The following PNPLA6 variants were observed in gnomAD, a reference collection of about 807,000 sequenced individuals.
The protein encoded by PNPLA6 is patatin like domain 6, lysophospholipase, also known as patatin-like phospholipase domain-containing protein 6.
Under a neutral mutation model 153.7 loss-of-function variants are expected in PNPLA6, and 105 were observed. That is an observed-to-expected ratio of 0.68 (90% CI 0.58 to 0.80). PNPLA6 has a LOEUF of 0.80. Among genes scored for constraint, PNPLA6 ranks in the 30% least tolerant of loss-of-function variants. The pLI, the probability that PNPLA6 is intolerant of heterozygous loss-of-function variation, is 0.00. For synonymous variants in PNPLA6, 825 were observed against 822.2 expected, an observed-to-expected ratio of 1.00 and a Z score of -0.06; for missense variants, 1,423 against 1,919.3, an observed-to-expected ratio of 0.74 and a Z score of 4.83.
At position 7,535,817 on chromosome 19, in the gene PNPLA6, C is replaced by A; in HGVS notation, c.29C>A (p.Thr10Lys). ...GGGACATCGAGTCACGGGCTGGCTA[C>A]GAACTCCTCGGGGGCGAAGGTGGCG... MGTSSHGLA[T>K]NSSGAKVAER... The change falls in exon 1 of 32, where the codon ACG becomes AAG. Residue 10 changes from threonine (T) to lysine (K), a missense_variant. Physicochemically the swap from Thr to Lys is moderately conservative, Grantham distance 78. Transcript: ENST00000600737. This position sits in a 1 kb window ranked among gnomAD's most constrained non-coding sequence, Gnocchi z 5.0. 1.3e-6 allele frequency: 2 copies of A among 1,536,834 alleles called. No individual in the cohort carries two copies. Among genetic ancestry groups the A allele is most frequent in the Non-Finnish European group, 1.7e-6 (2 of 1,146,694 alleles).
In PNPLA6 at chr19:7,541,568, G is replaced by A. The variant is rs763199334; in HGVS notation, c.1052G>A (p.Arg351His). 2.5e-6 allele frequency: 4 copies of A among 1,599,510 alleles called. No homozygotes were observed. Among genetic ancestry groups the A allele is most frequent in the African/African-American group, 1.3e-5 (1 of 74,420 alleles). ...TTCCCCAGCCCCGGCCTCCCAACTC[G>A]CACCAGCCCTGTGCGGGGCTCCAAG... ...RLFPSPGLPT[R>H]TSPVRGSKRM... Residue 351 changes from arginine (R) to histidine (H), a missense_variant, in exon 9 of 32, where the codon CGC (arginine) becomes CAC (histidine). Coordinates refer to ENST00000600737, the MANE Select transcript of PNPLA6 (RefSeq NM_001166114.2). The surrounding 1 kb of genome is among the most constrained non-coding windows in gnomAD (Gnocchi z 5.2).
At chr19:7,542,359 C>T in intron 10 of PNPLA6, 2 of 624,620 alleles carry the variant, frequency 3.2e-6, no homozygotes, top group Non-Finnish European at 5.7e-6. Context: ...TTTTTCTTTT[C>T]TTTTGAGACC....
rs780141447 is a variant in PNPLA6 at position 7,540,605 on chromosome 19, G to A, written c.715-25G>A. The A allele has an allele frequency of 1.3e-6, 2 of 1,585,546 alleles. No individual in the cohort carries two copies. Among genetic ancestry groups the A allele is most frequent in the East Asian group, 2.2e-5 (1 of 44,730 alleles). Reference sequence around the variant, plus strand: ...CCAGTCACCAGGGCGAGGCCACTGAGGGTCCACGGTCTCCTGTGTCTCAGG... The same window carrying A: ...CCAGTCACCAGGGCGAGGCCACTGAAGGTCCACGGTCTCCTGTGTCTCAGG... On this transcript the variant is annotated intron_variant, in intron 5 of 31. Transcript: ENST00000600737. The surrounding 1 kb of genome is among the most constrained non-coding windows in gnomAD (Gnocchi z 6.8).
chr19:7,543,194 A>C, intron 13 of PNPLA6, 110 bp downstream of exon 13: 1 of 951,606 alleles, frequency 1.1e-6, no homozygotes, highest in Non-Finnish European at 1.7e-6. Context: ...TCTCCCATAG[A>C]AGCAGACCTC....
intron 31 of PNPLA6, 82 bp downstream of exon 31, chr19:7,561,399 T>C: frequency 7.0e-7 from 1 of 1,427,486 alleles, no homozygotes; most frequent in Non-Finnish European, 9.7e-7. Flanking sequence ...CGGGGGCGTA[T>C]TTGAGATCCT....
intron 13 of PNPLA6, among the ~76,000 whole-genome samples, chr19:7,548,740 C>T (rs28756481): frequency 5.2e-5 from 7 of 135,174 alleles, no homozygotes; most frequent in African/African-American, 1.1e-4. Flanking sequence ...TATATACACA[C>T]ATATATATAT....
In PNPLA6 at chr19:7,559,055, G is replaced by A. The variant is rs112133109; in HGVS notation, c.3603G>A (p.Gln1201=). The A allele has an allele frequency of 0.012, 20,116 of 1,614,218 alleles. 153 individuals are homozygous for A. Among genetic ancestry groups the A allele is most frequent in the Middle Eastern group, 0.026 (160 of 6,062 alleles). ...TGGCCTACGTGTCCTGTGTGCGGCA[G>A]CTAGAGGTTGTCAAGTCCAGCTCCT... ...SRLAYVSCVR[Q]LEVVKSSSYC... is the part of the protein sequence containing the mutation. The change falls in exon 28 of 32, where the codon CAG becomes CAA. Residue 1201 remains glutamine (Q), a synonymous_variant. Coordinates refer to ENST00000600737, the MANE Select transcript of PNPLA6 (RefSeq NM_001166114.2).
rs573887 is a variant in PNPLA6, at chr19:7,549,732, C to G, written c.1609-175C>G. The G allele has an allele frequency of 0.45, 300,420 of 669,124 alleles. 72,353 individuals are homozygous for G. The highest frequency in any genetic ancestry group is 0.55 in the Admixed American group (24,933 of 45,502). The allele number at this position is 669,124 out of a possible 1,614,324, so 41.4% of individuals were successfully genotyped here. A position where few individuals can be genotyped will look rare whatever the true frequency, so the allele number is the denominator to read the frequency against. On this transcript the variant is annotated intron_variant, in intron 13 of 31. Transcript: ENST00000600737. ...GAACTCCTGGCCTCAAGTGATCCCCCCTGCCTGGCCTCCCAAAGCGCTGGG... is the reference window on the plus strand; with the variant it reads ...GAACTCCTGGCCTCAAGTGATCCCCGCTGCCTGGCCTCCCAAAGCGCTGGG...
rs780987427 is a variant in PNPLA6, at chr19:7,550,986, C to T, written c.2071-8C>T. On this transcript the variant is annotated splice_region_variant and splice_polypyrimidine_tract_variant and intron_variant, in intron 16 of 31. Coordinates refer to ENST00000600737, the MANE Select transcript of PNPLA6 (RefSeq NM_001166114.2). Reference sequence around the variant, plus strand: ...CAAGCAGCCCCAATCATGCACGCGGCCCCCCAGGTGGAGGCACTGACCCGG... The same window carrying T: ...CAAGCAGCCCCAATCATGCACGCGGTCCCCCAGGTGGAGGCACTGACCCGG... 2 of 1,529,594 alleles carry T rather than the reference C, an allele frequency of 1.3e-6. No homozygotes were observed. The highest frequency in any genetic ancestry group is 1.2e-5 in the South Asian group (1 of 83,718). 94.8% of individuals were successfully genotyped at this position (1,529,594 alleles called of 1,614,324 possible).
chr19:7,536,412 A>T (rs1358495521), intron 2 of PNPLA6, 37 bp from the exon 3 acceptor site: 2 of 1,507,822 alleles, frequency 1.3e-6, no homozygotes, highest in Non-Finnish European at 1.8e-6. Context: ...CAAGGTCTGA[A>T]TTAGCAATTC....
At chr19:7,560,957 A>G in intron 29 of PNPLA6, 57 bp from the exon 30 acceptor site, 1 of 1,096,998 alleles carries the variant, frequency 9.1e-7, no homozygotes, top group South Asian at 1.3e-5. Flanking sequence ...TGGGCCCCCC[A>G]GGGGCCCCAA....
chr19:7,548,806 T>C (rs74528300), intron 13 of PNPLA6, among the ~76,000 whole-genome samples: 6 of 138,380 alleles, frequency 4.3e-5, no homozygotes, highest in Non-Finnish European at 6.1e-5. Flanking sequence ...TTTTTCTTTT[T>C]TTTTTTTTTT....
At position 7,550,125 on chromosome 19, in the gene PNPLA6, G is replaced by C; in HGVS notation, c.1814+13G>C. 1 of 1,613,880 alleles carries C rather than the reference G, an allele frequency of 6.2e-7. No homozygotes were observed. On this transcript the variant is annotated intron_variant, in intron 14 of 31. Coordinates refer to ENST00000600737, the MANE Select transcript of PNPLA6 (RefSeq NM_001166114.2). Reference sequence around the variant, plus strand: ...CCGACTTCTATGAGTATGACAGCCCGAAGTTGGAGTGTGGGTGGCACTCGG... The same window carrying C: ...CCGACTTCTATGAGTATGACAGCCCCAAGTTGGAGTGTGGGTGGCACTCGG...
intron 25 of PNPLA6, 26 bp downstream of exon 25, chr19:7,556,595 G>T (rs966283534): frequency 1.9e-6 from 3 of 1,586,334 alleles, no homozygotes; most frequent in African/African-American, 2.7e-5. Context: ...CCCCTGCCCT[G>T]CCTACCCCTC....
At chr19:7,535,480 C>T (rs1052938381), upstream of PNPLA6, 52 of 1,497,442 alleles carry the variant, frequency 3.5e-5, no homozygotes, top group Non-Finnish European at 4.6e-5. This position sits in a 1 kb window ranked among gnomAD's most constrained non-coding sequence, Gnocchi z 5.0. Context: ...ACGACTTGCA[C>T]GGGTTCCTTC....
At chr19:7,539,790 C>T in intron 3 of PNPLA6, 128 bp from the exon 4 acceptor site, 2 of 617,528 alleles carry the variant, frequency 3.2e-6, no homozygotes, top group Non-Finnish European at 5.6e-6. Flanking sequence ...AGGTGGCCAG[C>T]CTGATTTGGC....
At chr19:7,539,150 G>A (rs999591222) in intron 3 of PNPLA6, among the ~76,000 whole-genome samples, 1 of 152,226 alleles carries the variant, frequency 6.6e-6, no homozygotes. Context: ...ATACATGAAT[G>A]TGGCTTTGTA....
Position 7,540,967 on chromosome 19 carries a change from G to T in PNPLA6, c.840G>T (p.Arg280=). 1.2e-6 allele frequency: 2 copies of T among 1,611,666 alleles called. No individual in the cohort carries two copies. Among genetic ancestry groups the T allele is most frequent in the Non-Finnish European group, 1.7e-6 (2 of 1,179,562 alleles). The change falls in exon 7 of 32, where the codon CGG becomes CGT. Residue 280 remains arginine (R), a synonymous_variant. Transcript: ENST00000600737. The surrounding 1 kb of genome is among the most constrained non-coding windows in gnomAD (Gnocchi z 6.8). ...GGACCGTGTCTGCCCGGGCGGCCCG[G>T]GACTCCACGGTGCTGCGCCTGCCGG... ...PQRTVSARAA[R]DSTVLRLPVE...
In PNPLA6 at chr19:7,541,770, G is replaced by A; in HGVS notation, c.1168+86G>A. On this transcript the variant is annotated intron_variant, in intron 9 of 31. Coordinates refer to ENST00000600737, the MANE Select transcript of PNPLA6 (RefSeq NM_001166114.2). This position sits in a 1 kb window ranked among gnomAD's most constrained non-coding sequence, Gnocchi z 5.2. ...AGCCCCTTTTTCAGTTCTGCATAGA[G>A]TCAACCTGACCTTGTCCAGCCCCAC... is the stretch of plus-strand genomic sequence containing the variant. 7.0e-7 allele frequency: 1 copy of A among 1,437,494 alleles called. No homozygotes were observed. The highest frequency in any genetic ancestry group is 1.2e-5 in the South Asian group (1 of 82,378). 89.0% of individuals were successfully genotyped at this position (1,437,494 alleles called of 1,614,324 possible). A position where few individuals can be genotyped will look rare whatever the true frequency, so the allele number is the denominator to read the frequency against.
Sources: allele counts gnomAD v4.1 joint callset (sites outside exome capture counted in the v4.1 genomes callset), GRCh38; gene constraint gnomAD v4.1.1; non-coding constraint Gnocchi (gnomAD v3.1); transcripts MANE v1.5; gene names NCBI Gene and HGNC (gene_info 2026-07-23, HGNC 2026-07-21).